The following SAFB variants were observed in gnomAD, a reference collection of about 807,000 sequenced individuals.
SAFB encodes the protein scaffold attachment factor B, also known as scaffold attachment factor B1.
A neutral mutation model predicts 101.6 loss-of-function variants in SAFB; 15 were observed. The observed-to-expected ratio is 0.15, with a 90% CI of 0.10 to 0.23. The LOEUF (loss-of-function observed/expected upper bound fraction) is 0.23. Ranked by LOEUF, SAFB falls within the 10% of genes least tolerant of loss-of-function variation. The pLI is 1.00. For synonymous variants in SAFB, 449 were observed against 407.5 expected, an observed-to-expected ratio of 1.10 and a Z score of -1.23; for missense variants, 930 against 1,104.1, an observed-to-expected ratio of 0.84 and a Z score of 2.23.
intron 9 of SAFB, 84 bp downstream of exon 9, chr19:5,651,156 G>A (rs2053930058): frequency 2.4e-6 from 2 of 822,174 alleles, no homozygotes; most frequent in Non-Finnish European, 4.0e-6. Context: ...CCCTCAGTGA[G>A]TTCTTTGAGA....
chr19:5,657,481 A>G (rs2054089793), intron 14 of SAFB, 134 bp downstream of exon 14: 6 of 606,230 alleles, frequency 9.9e-6, no homozygotes, highest in Non-Finnish European at 1.8e-5. Context: ...CTTTCAGTTC[A>G]TAGACTTGTT....
chr19:5,629,168 T>A (rs2053434700), intron 2 of SAFB, among the ~76,000 whole-genome samples: 2 of 152,206 alleles, frequency 1.3e-5, no homozygotes, highest in Admixed American at 1.3e-4. Context: ...TACTAAAAGT[T>A]AGGCATACTT....
Position 5,645,365 on chromosome 19 carries a change from T to C in SAFB, c.575T>C (p.Leu192Ser), listed in dbSNP as rs763370611. 1 of 1,370,370 alleles carries C rather than the reference T, an allele frequency of 7.3e-7. No individual in the cohort carries two copies. The highest frequency in any genetic ancestry group is 1.7e-5 in the Admixed American group (1 of 59,456). 84.9% of individuals were successfully genotyped at this position (1,370,370 alleles called of 1,614,324 possible). ...GAGGACAAAGAAACTATAAACAATT[T>C]AGATACTTCATCATCTGACTTCACT... ...AIEDKETINN[L>S]DTSSSDFTIL... Residue 192 changes from leucine to serine, a missense_variant, in exon 5 of 21, where the codon TTA (leucine) becomes TCA (serine). Coordinates refer to ENST00000588852, the MANE Select transcript of SAFB (RefSeq NM_001201338.2).
At chr19:5,663,871 G>T in intron 15 of SAFB, 151 bp from the exon 16 acceptor site, 1 of 790,574 alleles carries the variant, frequency 1.3e-6, no homozygotes, top group East Asian at 2.6e-5. Context: ...GCAGTCACTG[G>T]GGTCAAATCA....
chr19:5,650,035 A>G lies in SAFB; in HGVS notation c.1198+60A>G, dbSNP rs1258918821. 3.7e-6 allele frequency: 5 copies of G among 1,351,636 alleles called. No individual in the cohort carries two copies. In the African/African-American group the frequency reaches 7.2e-5, roughly 19 times the overall value. The allele number at this position is 1,351,636 out of a possible 1,614,324, so 83.7% of individuals were successfully genotyped here. On this transcript the variant is annotated intron_variant, in intron 8 of 20. Coordinates refer to ENST00000588852, the MANE Select transcript of SAFB (RefSeq NM_001201338.2). Reference sequence around the variant, plus strand: ...ATGTATGGCCTGGGCAGTGGCGGGTATTTGATTCTGGTTCATCGCGTGCTA... The same window carrying G: ...ATGTATGGCCTGGGCAGTGGCGGGTGTTTGATTCTGGTTCATCGCGTGCTA...
In SAFB at chr19:5,668,422, T is replaced by C. The variant is rs1291266561; in HGVS notation, c.*131T>C. 6 of 1,090,252 alleles carry C rather than the reference T, an allele frequency of 5.5e-6. No homozygotes were observed. The highest frequency in any genetic ancestry group is 3.4e-5 in the Admixed American group (1 of 29,328). The allele number at this position is 1,090,252 out of a possible 1,614,324, so 67.5% of individuals were successfully genotyped here. ...AGCTCAATACAATGTGAATTTGTTTTTCGTTTTGGGGTTTTTTTTTTTTGT... is the reference window on the plus strand; with the variant it reads ...AGCTCAATACAATGTGAATTTGTTTCTCGTTTTGGGGTTTTTTTTTTTTGT... On this transcript the variant is annotated 3_prime_UTR_variant, in exon 21 of 21. Transcript: ENST00000588852.
At chr19:5,626,545 C>T in intron 2 of SAFB, 56 bp downstream of exon 2, 2 of 1,018,128 alleles carry the variant, frequency 2.0e-6, no homozygotes, top group Non-Finnish European at 3.1e-6. Context: ...AAAACGAATA[C>T]ATTGCTAATG....
chr19:5,665,410 G>A (rs934225914), intron 17 of SAFB: 2 of 152,164 alleles, frequency 1.3e-5, no homozygotes, highest in Admixed American at 6.5e-5. Context: ...GGAGTGAAAT[G>A]AGGGTAATAT....
At chr19:5,653,060 A>G (rs991029658) in intron 9 of SAFB, 55 bp from the exon 10 acceptor site, 2 of 1,599,268 alleles carry the variant, frequency 1.3e-6, no homozygotes, top group Non-Finnish European at 8.5e-7. Flanking sequence ...TCATATCCCC[A>G]TGCCCCGCTC....
intron 4 of SAFB, among the ~76,000 whole-genome samples, chr19:5,642,656 T>TC (rs2053745697): frequency 7.7e-6 from 1 of 130,170 alleles, no homozygotes; most frequent in Non-Finnish European, 1.6e-5. Context: ...CCTTTCTTTT[T>TC]TTTTTTTTTT....
intron 2 of SAFB, among the ~76,000 whole-genome samples, chr19:5,627,830 G>A (rs914713312): frequency 5.9e-5 from 9 of 152,104 alleles, no homozygotes; most frequent in Admixed American, 4.6e-4. Flanking sequence ...CTTACCCCTT[G>A]GTTTAATATT....
At chr19:5,644,255 A>C (rs2053780277) in intron 4 of SAFB, among the ~76,000 whole-genome samples, 1 of 152,132 alleles carries the variant, frequency 6.6e-6, no homozygotes, top group African/African-American at 2.4e-5. Context: ...AGCTCCAACA[A>C]AGTGTTTCCC....
intron 2 of SAFB, among the ~76,000 whole-genome samples, chr19:5,639,516 AACCCC>A (rs1470476638): frequency 6.6e-6 from 1 of 151,974 alleles, no homozygotes; most frequent in Non-Finnish European, 1.5e-5. Context: ...AACATGGTGA[AACCCC>A]ATCTCTACTA....
At chr19:5,643,729 G>C (rs2053769075) in intron 4 of SAFB, among the ~76,000 whole-genome samples, 1 of 152,124 alleles carries the variant, frequency 6.6e-6, no homozygotes, top group Non-Finnish European at 1.5e-5. Context: ...TGGGCACAGT[G>C]GCTCACACCT....
intron 15 of SAFB, among the ~76,000 whole-genome samples, chr19:5,663,418 AC>A (rs2054259413): frequency 6.6e-6 from 1 of 152,254 alleles, no homozygotes; most frequent in South Asian, 2.1e-4. Context: ...GTCAGGCTTT[AC>A]ACGTGCACTG....
At chr19:5,637,815 A>G (rs1223420795) in intron 2 of SAFB, among the ~76,000 whole-genome samples, 1 of 152,256 alleles carries the variant, frequency 6.6e-6, no homozygotes, top group East Asian at 1.9e-4. Flanking sequence ...CTGTGCTGGC[A>G]GTAGCTCTAA....
chr19:5,650,721 A>G (rs1475139760), intron 8 of SAFB, among the ~76,000 whole-genome samples: 4 of 152,034 alleles, frequency 2.6e-5, no homozygotes, highest in African/African-American at 9.7e-5. Context: ...CGCAATTGCT[A>G]ACTTTCTTAG....
chr19:5,631,744 C>T (rs191059476), intron 2 of SAFB, among the ~76,000 whole-genome samples: 1 of 152,258 alleles, frequency 6.6e-6, no homozygotes, highest in East Asian at 1.9e-4. Flanking sequence ...TCTTAGCAGA[C>T]TCTCAAAATA....
intron 2 of SAFB, among the ~76,000 whole-genome samples, chr19:5,636,612 T>C (rs1226379450): frequency 6.6e-6 from 1 of 152,070 alleles, no homozygotes; most frequent in Non-Finnish European, 1.5e-5. Context: ...AATAATTAGG[T>C]TTGGAATTTT....
Sources: allele counts gnomAD v4.1 joint callset (sites outside exome capture counted in the v4.1 genomes callset), GRCh38; gene constraint gnomAD v4.1.1; transcripts MANE v1.5; gene names NCBI Gene and HGNC (gene_info 2026-07-23, HGNC 2026-07-21).